RAD50: variants seen among roughly 807,000 people sequenced by gnomAD.
RAD50 encodes DNA repair protein RAD50.
RAD50 carries 132 observed loss-of-function variants against 168.8 expected under a neutral mutation model. That is an observed-to-expected ratio of 0.78 (90% CI 0.68 to 0.90). The LOEUF (loss-of-function observed/expected upper bound fraction) is 0.90, where lower values mean the gene tolerates loss of function less well. RAD50 is among the 40% of genes least tolerant of loss of function. The pLI is 0.00. For synonymous variants in RAD50, 525 were observed against 497.4 expected, an observed-to-expected ratio of 1.06 and a Z score of -0.74; for missense variants, 1,347 against 1,534.4, an observed-to-expected ratio of 0.88 and a Z score of 2.04.
At chr5:132,629,514 T>A (rs1254607355) in intron 21 of RAD50, among the ~76,000 whole-genome samples, 1 of 152,210 alleles carries the variant, frequency 6.6e-6, no homozygotes, top group Non-Finnish European at 1.5e-5. Context: ...GGCTGTTTAC[T>A]GAGTTCTCTT....
chr5:132,638,035 G>T (rs1240257503), intron 22 of RAD50, 46 bp from the exon 23 acceptor site: 1 of 1,595,482 alleles, frequency 6.3e-7, no homozygotes, highest in African/African-American at 1.3e-5. Flanking sequence ...ATGACAAAAG[G>T]CTACAGAGCA....
chr5:132,646,092 C>CAAAAAAAAAAAAAA lies in RAD50; in HGVS notation c.*3736_*3749dup, dbSNP rs757145249. On this transcript the variant is annotated 3_prime_UTR_variant, in exon 25 of 25. Coordinates refer to ENST00000378823, the MANE Select transcript of RAD50 (RefSeq NM_005732.4). The stretch of plus-strand genomic sequence containing the variant: ...CAGAGTGAGACCCTGTCTAAAAAGA[C>CAAAAAAAAAAAAAA]AAAAAAAAAAAAAAAAAAAAAGCAG... The CAAAAAAAAAAAAAA allele has an allele frequency of 1.9e-3, 149 of 76,922 alleles. 3 individuals are homozygous for CAAAAAAAAAAAAAA. Among genetic ancestry groups the CAAAAAAAAAAAAAA allele is most frequent in the Non-Finnish European group, 2.5e-3 (98 of 39,530 alleles). 4.8% of individuals were successfully genotyped at this position (76,922 alleles called of 1,614,324 possible).
In RAD50 at chr5:132,593,740, A is replaced by G. The variant is rs561279657; in HGVS notation, c.1794-1129A>G. 2.6e-5 allele frequency among the ~76,000 whole-genome samples: 4 copies of G among 152,302 alleles called. No homozygotes were observed. The East Asian group carries it at 5.8e-4, about 22-fold the overall frequency. On this transcript the variant is annotated intron_variant, in intron 11 of 24. Coordinates refer to ENST00000378823, the MANE Select transcript of RAD50 (RefSeq NM_005732.4). ...ATTCAGGAGATTGGAAGTTGTTGCT[A>G]TGTAAGGGATACTCAAAGTCATTAG...
At chr5:132,619,470 G>C (rs1445169874) in intron 21 of RAD50, among the ~76,000 whole-genome samples, 1 of 152,102 alleles carries the variant, frequency 6.6e-6, no homozygotes, top group Non-Finnish European at 1.5e-5. Context: ...TGCAATCATA[G>C]TTCAGTGTAA....
At chr5:132,569,988 A>C (rs1394856069) in intron 2 of RAD50, among the ~76,000 whole-genome samples, 1 of 152,258 alleles carries the variant, frequency 6.6e-6, no homozygotes, top group East Asian at 1.9e-4. Flanking sequence ...GAGATACGGT[A>C]GAAAAGAAAC....
At chr5:132,614,255 C>T (rs76462295) in intron 19 of RAD50, among the ~76,000 whole-genome samples, 4,265 of 152,212 alleles carry the variant, frequency 0.028, 208 homozygotes, top group African/African-American at 0.098. Flanking sequence ...TTCAAATGTT[C>T]TGGGGTATTA....
chr5:132,641,945 A>T (rs1469273543), intron 24 of RAD50: 2 of 553,792 alleles, frequency 3.6e-6, no homozygotes, highest in African/African-American at 3.8e-5. Flanking sequence ...GTGAGTCCCT[A>T]AGCCAGACCT....
At chr5:132,586,629 T>C (rs1750599671) in intron 5 of RAD50, among the ~76,000 whole-genome samples, 1 of 152,172 alleles carries the variant, frequency 6.6e-6, no homozygotes, top group Non-Finnish European at 1.5e-5. Flanking sequence ...TATGTTAAAG[T>C]CGAGGATGCA....
intron 2 of RAD50, among the ~76,000 whole-genome samples, chr5:132,564,105 A>C (rs974691592): frequency 3.3e-5 from 5 of 152,244 alleles, no homozygotes; most frequent in African/African-American, 1.2e-4. Flanking sequence ...TAATGCAGAA[A>C]GTTGGTACCG....
chr5:132,589,911 C>A, intron 9 of RAD50, 74 bp downstream of exon 9: 1 of 1,326,380 alleles, frequency 7.5e-7, no homozygotes, highest in Non-Finnish European at 1.1e-6. Context: ...ATTTTTGATC[C>A]TAAGATTATA....
Position 132,642,942 on chromosome 5 carries a change from G to A in RAD50, c.*578G>A. 2.1e-6 allele frequency: 1 copy of A among 471,956 alleles called. No homozygotes were observed. The highest frequency in any genetic ancestry group is 1.7e-5 in the South Asian group (1 of 58,832). The allele number at this position is 471,956 out of a possible 1,614,324, so 29.2% of individuals were successfully genotyped here. A position where few individuals can be genotyped will look rare whatever the true frequency, so the allele number is the denominator to read the frequency against. ...TTGAATGGGGTCTCAAAGTTTGACA[G>A]GAACCTTAAGTAATCATCTAAGTCA... On this transcript the variant is annotated 3_prime_UTR_variant, in exon 25 of 25. Transcript: ENST00000378823.
At chr5:132,602,868 CT>C (rs1324709941) in intron 13 of RAD50, among the ~76,000 whole-genome samples, 1 of 152,114 alleles carries the variant, frequency 6.6e-6, no homozygotes, top group Non-Finnish European at 1.5e-5. Context: ...CTGTCTTTAT[CT>C]TTCATGACCT....
At chr5:132,609,068 T>C (rs760682551) in intron 17 of RAD50, 49 bp from the exon 18 acceptor site, 23 of 1,602,962 alleles carry the variant, frequency 1.4e-5, no homozygotes, top group Admixed American at 6.7e-5. Context: ...TCTCCTGTTA[T>C]GTGCCCTTAA....
chr5:132,640,821 A>G lies in RAD50; in HGVS notation c.3752+16A>G, dbSNP rs939382304. ...CTCTGGTTGAGTAAGTATCTCTTGCACATGCTCTGGTTGAGTAAGTATCTC... is the reference window on the plus strand; with the variant it reads ...CTCTGGTTGAGTAAGTATCTCTTGCGCATGCTCTGGTTGAGTAAGTATCTC... On this transcript the variant is annotated intron_variant, in intron 24 of 24. Coordinates refer to ENST00000378823, the MANE Select transcript of RAD50 (RefSeq NM_005732.4). The G allele has an allele frequency of 6.2e-7, 1 of 1,613,242 alleles. No individual in the cohort carries two copies. Among genetic ancestry groups the G allele is most frequent in the Non-Finnish European group, 8.5e-7 (1 of 1,179,472 alleles).
At chr5:132,600,168 G>A (rs1750863000) in intron 13 of RAD50, 1 of 152,246 alleles carries the variant, frequency 6.6e-6, no homozygotes, top group African/African-American at 2.4e-5. Context: ...AATGGACAAA[G>A]TCCCTGCCCT....
intron 23 of RAD50, among the ~76,000 whole-genome samples, chr5:132,639,563 T>C (rs1751672463): frequency 6.6e-6 from 1 of 152,204 alleles, no homozygotes; most frequent in Admixed American, 6.5e-5. Flanking sequence ...TGAAACATGG[T>C]CTCTTTGAAT....
At chr5:132,621,523 TCA>T (rs1751285604) in intron 21 of RAD50, among the ~76,000 whole-genome samples, 1 of 152,180 alleles carries the variant, frequency 6.6e-6, no homozygotes, top group Admixed American at 6.5e-5. Context: ...TTCTTTAGGT[TCA>T]GTTTTCTTTT....
chr5:132,602,060 A>G (rs1035352594), intron 13 of RAD50, among the ~76,000 whole-genome samples: 90 of 152,144 alleles, frequency 5.9e-4, no homozygotes, highest in African/African-American at 2.0e-3. Context: ...GCAAACCACC[A>G]TGGCACGTGT....
intron 13 of RAD50, among the ~76,000 whole-genome samples, chr5:132,601,655 A>G (rs2149846309): frequency 1.3e-5 from 2 of 152,284 alleles, no homozygotes; most frequent in Middle Eastern, 3.4e-3. Context: ...ATAAAAAAAA[A>G]CTGTAGGTCT....
Sources: allele counts gnomAD v4.1 joint callset (sites outside exome capture counted in the v4.1 genomes callset), GRCh38; gene constraint gnomAD v4.1.1; transcripts MANE v1.5; gene names NCBI Gene and HGNC (gene_info 2026-07-23, HGNC 2026-07-21).